ARAP2: variants seen among roughly 807,000 people sequenced by gnomAD.
ARAP2 encodes arf-GAP with Rho-GAP domain, ANK repeat and PH domain-containing protein 2.
Under a neutral mutation model 194.5 loss-of-function variants are expected in ARAP2, and 148 were observed. The ratio of observed to expected loss-of-function variants is 0.76; its 90% CI spans 0.67 to 0.87. ARAP2 has a LOEUF of 0.87. ARAP2 is among the 40% of genes least tolerant of loss of function. The probability of loss-of-function intolerance (pLI) is 0.00; values close to 1 mark genes in which losing one functional copy is unlikely to be tolerated. For synonymous variants in ARAP2, 695 were observed against 683.5 expected (o/e 1.02, Z -0.26); for missense variants, 2,128 against 1,989.7 (o/e 1.07, Z -1.32).
At chr4:36,071,693 A>ATTTTTTTTTTTTTTTTTTTTTTTTT (rs55918222) in intron 32 of ARAP2, among the ~76,000 whole-genome samples, 2 of 147,130 alleles carry the variant, frequency 1.4e-5, no homozygotes, top group Non-Finnish European at 1.5e-5. Flanking sequence ...TTTTTTTTTA[A>ATTTTTTTTTTTTTTTTTTTTTTTTT]TTTTTTTTCT....
At chr4:36,090,781 G>GA (rs1472882296) in intron 28 of ARAP2, among the ~76,000 whole-genome samples, 3 of 152,024 alleles carry the variant, frequency 2.0e-5, no homozygotes, top group Non-Finnish European at 4.4e-5. Context: ...TAGAGGATTA[G>GA]AAAAAACAAC....
chr4:36,237,259 T>C (rs956694599), intron 1 of ARAP2, among the ~76,000 whole-genome samples: 1 of 152,250 alleles, frequency 6.6e-6, no homozygotes, highest in Non-Finnish European at 1.5e-5. Context: ...AATAAACTTA[T>C]TGTGGAAAAA....
chr4:36,214,688 C>A (rs1345123544), intron 2 of ARAP2, among the ~76,000 whole-genome samples: 1 of 151,440 alleles, frequency 6.6e-6, no homozygotes, highest in Non-Finnish European at 1.5e-5. Flanking sequence ...AGCCAAATTC[C>A]ACAAATGTAT....
At chr4:36,117,210 A>G in intron 24 of ARAP2, 75 bp from the exon 25 acceptor site, 1 of 1,003,768 alleles carries the variant, frequency 1.0e-6, no homozygotes, top group Admixed American at 3.0e-5. Context: ...GAAGACAGCT[A>G]TAAAGCCCCA....
Position 36,110,527 on chromosome 4 carries a change from C to G in ARAP2, c.4157-2834G>C, listed in dbSNP as rs73125311. Among the ~76,000 whole-genome samples the G allele has an allele frequency of 6.1e-3, 926 of 151,918 alleles. 12 individuals carry two copies. The highest frequency in any genetic ancestry group is 0.021 in the African/African-American group (881 of 41,488). Reference sequence around the variant, plus strand: ...AAAACCTAGAAGGTAAAGGGGTCTACATTGGCAGAGGATGGGTTCGGATTT... The same window carrying G: ...AAAACCTAGAAGGTAAAGGGGTCTAGATTGGCAGAGGATGGGTTCGGATTT... On this transcript the variant is annotated intron_variant, in intron 26 of 32. Transcript: ENST00000303965.
chr4:36,226,920 T>C (rs1417526137), intron 2 of ARAP2, among the ~76,000 whole-genome samples: 1 of 152,232 alleles, frequency 6.6e-6, no homozygotes, highest in Non-Finnish European at 1.5e-5. Flanking sequence ...CCTTCTGGCA[T>C]GTCAAAAGCA....
chr4:36,140,118 T>TAA (rs1727903354), intron 19 of ARAP2, among the ~76,000 whole-genome samples: 2 of 138,560 alleles, frequency 1.4e-5, no homozygotes, highest in East Asian at 2.2e-4. Flanking sequence ...TACTTTTCTT[T>TAA]AAAAAACAAA....
intron 5 of ARAP2, among the ~76,000 whole-genome samples, chr4:36,036,895 T>C (rs954065952): frequency 6.6e-6 from 1 of 152,168 alleles, no homozygotes; most frequent in Non-Finnish European, 1.5e-5. Context: ...TGTCTTCATA[T>C]AAGTTTCACC....
At chr4:36,160,167 T>C (rs192780364) in intron 13 of ARAP2, 12 of 1,042,548 alleles carry the variant, frequency 1.2e-5, no homozygotes, top group African/African-American at 6.8e-5. Flanking sequence ...TCCCACATTA[T>C]ATCAGTCCTC....
At position 36,193,210 on chromosome 4, in the gene ARAP2, C is replaced by A. The variant is rs577096953; in HGVS notation, c.1557+368G>T. Among the ~76,000 whole-genome samples, 6 of 152,236 alleles carry A rather than the reference C, an allele frequency of 3.9e-5. No homozygotes were observed. The South Asian group carries it at 1.2e-3, about 32-fold the overall frequency. On this transcript the variant is annotated intron_variant, in intron 7 of 32. Coordinates refer to ENST00000303965, the MANE Select transcript of ARAP2 (RefSeq NM_015230.4). ...GTGTTACTGTCTAAAAGCATATATT[C>A]TTCTGTCCTGCAGCAATAAAGAAGC...
At chr4:36,064,692 C>T (rs746274961), downstream of ARAP2, among the ~76,000 whole-genome samples, 1 of 152,190 alleles carries the variant, frequency 6.6e-6, no homozygotes, top group Non-Finnish European at 1.5e-5. Flanking sequence ...CTGGTGACCC[C>T]AGACCCTGAT....
intron 17 of ARAP2, 24 bp downstream of exon 17, chr4:36,148,381 A>G: frequency 6.4e-7 from 1 of 1,559,182 alleles, no homozygotes. Context: ...CTGGATTTAG[A>G]GCAGTAACAT....
intron 27 of ARAP2, among the ~76,000 whole-genome samples, chr4:36,098,910 T>A (rs1485451494): frequency 6.6e-6 from 1 of 152,090 alleles, no homozygotes. Context: ...ATTTAAGTTC[T>A]GGGGTACATG....
chr4:36,043,604 C>A (rs1042276784), intron 5 of ARAP2, among the ~76,000 whole-genome samples: 6 of 151,778 alleles, frequency 4.0e-5, no homozygotes, highest in African/African-American at 1.5e-4. Flanking sequence ...AAGCTGGGTA[C>A]AATGACACGT....
At chr4:36,199,215 A>G (rs552944738) in intron 6 of ARAP2, among the ~76,000 whole-genome samples, 1 of 152,374 alleles carries the variant, frequency 6.6e-6, no homozygotes, top group Admixed American at 6.5e-5. Context: ...TTATTAAAAA[A>G]TGAATAAATA....
At chr4:36,198,580 T>C (rs931629731) in intron 6 of ARAP2, among the ~76,000 whole-genome samples, 2 of 152,300 alleles carry the variant, frequency 1.3e-5, no homozygotes, top group East Asian at 1.9e-4. Flanking sequence ...CTCCCTCCCA[T>C]GCTCATCAGG....
At chr4:36,156,411 GAAAGAA>G (rs1560549555) in intron 15 of ARAP2, among the ~76,000 whole-genome samples, 1 of 44,056 alleles carries the variant, frequency 2.3e-5, no homozygotes, top group Non-Finnish European at 3.9e-5. Context: ...AAGAAAGAAA[GAAAGAA>G]AGAAAGAAAG....
At chr4:36,211,779 G>A (rs1020422660) in intron 5 of ARAP2, among the ~76,000 whole-genome samples, 8 of 152,026 alleles carry the variant, frequency 5.3e-5, no homozygotes, top group Non-Finnish European at 7.4e-5. Flanking sequence ...ATTATATTAT[G>A]CTTATATCAA....
At chr4:36,035,156 G>T (rs2109212080) in intron 5 of ARAP2, among the ~76,000 whole-genome samples, 1 of 152,042 alleles carries the variant, frequency 6.6e-6, no homozygotes, top group Non-Finnish European at 1.5e-5. Flanking sequence ...CCGTAGGCAT[G>T]GTACCCACTC....
Sources: gnomAD v4.1 joint callset for allele counts (sites outside exome capture counted in the v4.1 genomes callset) on GRCh38, gnomAD v4.1.1 for gene constraint, MANE v1.5 for transcripts, NCBI Gene and HGNC (gene_info 2026-07-23, HGNC 2026-07-21) for gene names.